Variants in LSAMP observed in about 807,000 individuals in gnomAD.
LSAMP encodes limbic system associated membrane protein.
A neutral mutation model predicts 38.6 loss-of-function variants in LSAMP; 7 were observed. That is an observed-to-expected ratio of 0.18 (90% CI 0.10 to 0.34). LSAMP has a LOEUF of 0.34. Ranked by LOEUF, LSAMP falls within the 10% of genes least tolerant of loss-of-function variation. The probability of loss-of-function intolerance (pLI) is 1.00; values close to 1 mark genes in which losing one functional copy is unlikely to be tolerated. For synonymous variants in LSAMP, 154 were observed against 166.8 expected (o/e 0.92, Z 0.59); for missense variants, 313 against 420.0 (o/e 0.75, Z 2.23).
intron 1 of LSAMP, among the ~76,000 whole-genome samples, chr3:116,267,733 T>A (rs973728486): frequency 1.3e-5 from 2 of 152,068 alleles, no homozygotes; most frequent in Admixed American, 1.3e-4. Flanking sequence ...TGAAAGGTAC[T>A]CTCCGCCTGC....
intron 3 of LSAMP, among the ~76,000 whole-genome samples, chr3:115,891,202 C>T (rs1402231079): frequency 6.6e-6 from 1 of 151,942 alleles, no homozygotes; most frequent in African/African-American, 2.4e-5. Context: ...TTCCTCCATC[C>T]ATGTATACAT....
At chr3:115,986,396 T>A (rs879517190) in intron 3 of LSAMP, among the ~76,000 whole-genome samples, 3 of 152,046 alleles carry the variant, frequency 2.0e-5, no homozygotes, top group Non-Finnish European at 4.4e-5. Context: ...TAAAACACAT[T>A]TCACCAGTAT....
At position 116,210,403 on chromosome 3, in the gene LSAMP, C is replaced by T. The variant is rs78048749; in HGVS notation, c.156-123847G>A. On this transcript the variant is annotated intron_variant, in intron 1 of 6. Transcript: ENST00000490035. Reference sequence around the variant, plus strand: ...AGAAGGTGGAAGAGCAGGCTTGCTGCGTCTTCCGGCCTCCATCTTTCTCCA... The same window carrying T: ...AGAAGGTGGAAGAGCAGGCTTGCTGTGTCTTCCGGCCTCCATCTTTCTCCA... Among the ~76,000 whole-genome samples, 30 of 152,300 alleles carry T rather than the reference C, an allele frequency of 2.0e-4. No individual in the cohort carries two copies. In the East Asian group the frequency reaches 4.8e-3, roughly 25 times the overall value.
intron 1 of LSAMP, among the ~76,000 whole-genome samples, chr3:116,283,281 T>G (rs947854874): frequency 1.3e-5 from 2 of 152,206 alleles, no homozygotes; most frequent in African/African-American, 4.8e-5. Context: ...CCTAGTTACG[T>G]GTTCATCGGT....
At chr3:116,025,969 G>A (rs1355809026) in intron 2 of LSAMP, among the ~76,000 whole-genome samples, 1 of 151,790 alleles carries the variant, frequency 6.6e-6, no homozygotes, top group African/African-American at 2.4e-5. Flanking sequence ...TTGTTTTTCT[G>A]TGTGCATTGG....
chr3:115,962,067 G>A (rs1264539123), intron 3 of LSAMP, among the ~76,000 whole-genome samples: 2 of 152,098 alleles, frequency 1.3e-5, no homozygotes, highest in Non-Finnish European at 2.9e-5. Flanking sequence ...CCAGCAAAGT[G>A]GTCTGCTATT....
chr3:116,218,430 C>G (rs959345589), intron 1 of LSAMP, among the ~76,000 whole-genome samples: 1 of 152,144 alleles, frequency 6.6e-6, no homozygotes, highest in African/African-American at 2.4e-5. Flanking sequence ...CACAAATTTG[C>G]TGTGTAACTT....
At chr3:116,412,263 C>T (rs1472817843) in intron 1 of LSAMP, among the ~76,000 whole-genome samples, 1 of 151,930 alleles carries the variant, frequency 6.6e-6, no homozygotes, top group Non-Finnish European at 1.5e-5. Flanking sequence ...AACAGAAAGG[C>T]AAAGCAATAG....
intron 1 of LSAMP, among the ~76,000 whole-genome samples, chr3:116,350,585 GATCAACTAACATGGT>G (rs1050766515): frequency 6.0e-5 from 9 of 150,918 alleles, no homozygotes; most frequent in Non-Finnish European, 1.0e-4. Context: ...TCGGTTATCA[GATCAACTAACATGGT>G]ATCACAGTGC....
At chr3:115,957,342 A>C (rs1021837557) in intron 3 of LSAMP, among the ~76,000 whole-genome samples, 6 of 152,186 alleles carry the variant, frequency 3.9e-5, no homozygotes, top group African/African-American at 1.4e-4. Flanking sequence ...TTTGTTTCGG[A>C]AACTCTTATA....
At chr3:116,277,431 T>G (rs1443532313) in intron 1 of LSAMP, among the ~76,000 whole-genome samples, 1 of 151,824 alleles carries the variant, frequency 6.6e-6, no homozygotes, top group Non-Finnish European at 1.5e-5. Flanking sequence ...TGCAGTGGCG[T>G]GATCTCGGCT....
chr3:116,105,176 G>GAAAAAA (rs1559744261), intron 1 of LSAMP, among the ~76,000 whole-genome samples: 2 of 134,138 alleles, frequency 1.5e-5, no homozygotes, highest in African/African-American at 6.8e-5. Context: ...TTGACTAGGG[G>GAAAAAA]GAAAAAAAAA....
intron 1 of LSAMP, among the ~76,000 whole-genome samples, chr3:116,112,138 G>A (rs1187919643): frequency 6.6e-6 from 1 of 152,190 alleles, no homozygotes; most frequent in Non-Finnish European, 1.5e-5. Context: ...TTTTAACCTG[G>A]AATGCTAAAT....
At chr3:115,940,584 TATATG>T (rs1937886096) in intron 3 of LSAMP, among the ~76,000 whole-genome samples, 1 of 152,234 alleles carries the variant, frequency 6.6e-6, no homozygotes, top group African/African-American at 2.4e-5. Context: ...TTGATTTTTG[TATATG>T]ATATAAGGCA....
chr3:115,905,748 C>G (rs1936992830), intron 3 of LSAMP, among the ~76,000 whole-genome samples: 1 of 152,074 alleles, frequency 6.6e-6, no homozygotes, highest in South Asian at 2.1e-4. Flanking sequence ...ATGCTCATTC[C>G]CCTCCCCTTG....
intron 4 of LSAMP, among the ~76,000 whole-genome samples, chr3:115,847,826 G>A (rs1025433938): frequency 1.3e-5 from 2 of 152,130 alleles, no homozygotes; most frequent in Admixed American, 6.5e-5. Context: ...AAATTACCCA[G>A]TCTTGGGCAG....
chr3:116,425,572 T>C (rs1218202632), intron 1 of LSAMP, among the ~76,000 whole-genome samples: 1 of 152,128 alleles, frequency 6.6e-6, no homozygotes, highest in Admixed American at 6.5e-5. Flanking sequence ...CTTGGGTGAG[T>C]ATGTCAATAA....
chr3:116,401,906 C>T (rs536137324), intron 1 of LSAMP, among the ~76,000 whole-genome samples: 19 of 152,218 alleles, frequency 1.2e-4, no homozygotes, highest in African/African-American at 4.6e-4. Flanking sequence ...TTTTTGTGTT[C>T]TGACTGCCTA....
At chr3:115,948,363 T>C (rs1046109808) in intron 3 of LSAMP, among the ~76,000 whole-genome samples, 1 of 152,064 alleles carries the variant, frequency 6.6e-6, no homozygotes, top group African/African-American at 2.4e-5. Flanking sequence ...TTCTCCAAAA[T>C]AGACCATATG....
Sources: allele counts gnomAD v4.1 joint callset (sites outside exome capture counted in the v4.1 genomes callset), GRCh38; gene constraint gnomAD v4.1.1; transcripts MANE v1.5; gene names NCBI Gene and HGNC (gene_info 2026-07-23, HGNC 2026-07-21).